Variants in RALGAPA1 observed in about 807,000 individuals in gnomAD.
RALGAPA1 encodes the protein ral GTPase-activating protein subunit alpha-1.
A neutral mutation model predicts 269.6 loss-of-function variants in RALGAPA1; 52 were observed. The ratio of observed to expected loss-of-function variants is 0.19; its 90% CI spans 0.15 to 0.24. The LOEUF (loss-of-function observed/expected upper bound fraction) is 0.24, where lower values mean the gene tolerates loss of function less well. Ranked by LOEUF, RALGAPA1 falls within the 10% of genes least tolerant of loss-of-function variation. RALGAPA1 has a pLI of 1.00. For missense variants in RALGAPA1, 1,917 were observed against 3,013.9 expected, an observed-to-expected ratio of 0.64 and a Z score of 8.52; for synonymous variants, 817 against 1,008.3, an observed-to-expected ratio of 0.81 and a Z score of 3.60.
intron 1 of RALGAPA1, among the ~76,000 whole-genome samples, chr14:35,781,351 T>G (rs2075412918): frequency 6.6e-6 from 1 of 152,126 alleles, no homozygotes; most frequent in African/African-American, 2.4e-5. Flanking sequence ...ATGAGAAGAT[T>G]GAATTAGTGG....
chr14:35,694,565 C>T (rs891737730), intron 17 of RALGAPA1, among the ~76,000 whole-genome samples: 34 of 152,166 alleles, frequency 2.2e-4, no homozygotes, highest in African/African-American at 8.2e-4. Context: ...TTAAAAGCAA[C>T]AAATCAAGCT....
chr14:35,666,275 A>C (rs1425751864), intron 26 of RALGAPA1, among the ~76,000 whole-genome samples: 1 of 152,072 alleles, frequency 6.6e-6, no homozygotes, highest in Non-Finnish European at 1.5e-5. Context: ...TTTAAGGATT[A>C]ATATCTGTGG....
intron 35 of RALGAPA1, among the ~76,000 whole-genome samples, chr14:35,609,158 C>G: frequency 6.6e-6 from 1 of 150,906 alleles, no homozygotes; most frequent in South Asian, 2.1e-4. Flanking sequence ...ACTTGGGAGG[C>G]AGAGGTTGCA....
intron 37 of RALGAPA1, among the ~76,000 whole-genome samples, chr14:35,591,704 T>G (rs1432771455): frequency 6.6e-6 from 1 of 152,180 alleles, no homozygotes; most frequent in Non-Finnish European, 1.5e-5. Context: ...TGAAATATAA[T>G]TTTACCAATG....
chr14:35,737,501 A>C lies in RALGAPA1; in HGVS notation c.1587+1012T>G, dbSNP rs527369760. ...GTTGGGCGTGGTGGCTCATGCCTAT[A>C]ATCACAGCAATTTGGGAGGCCAAGG... On this transcript the variant is annotated intron_variant, in intron 12 of 41. Coordinates refer to ENST00000680220, the MANE Select transcript of RALGAPA1 (RefSeq NM_001346249.2). 2.2e-3 allele frequency among the ~76,000 whole-genome samples: 330 copies of C among 152,172 alleles called. 5 individuals are homozygous for C. In the South Asian group the frequency reaches 0.028, roughly 13 times the overall value.
chr14:35,573,030 A>T (rs922025091), intron 37 of RALGAPA1, among the ~76,000 whole-genome samples: 1 of 152,166 alleles, frequency 6.6e-6, no homozygotes, highest in African/African-American at 2.4e-5. Context: ...AGATTGTTTT[A>T]AAAAAAGAAG....
chr14:35,754,383 C>T (rs1225803256), intron 7 of RALGAPA1, among the ~76,000 whole-genome samples: 1 of 152,038 alleles, frequency 6.6e-6, no homozygotes, highest in East Asian at 1.9e-4. Flanking sequence ...CTTAATAAGA[C>T]AAGCCAATTT....
chr14:35,609,377 A>G (rs2059786124), intron 35 of RALGAPA1, among the ~76,000 whole-genome samples: 1 of 152,210 alleles, frequency 6.6e-6, no homozygotes, highest in Admixed American at 6.5e-5. Flanking sequence ...TGAAAATGTA[A>G]CAATTTACTC....
At chr14:35,608,549 C>T (rs2059725947) in intron 35 of RALGAPA1, among the ~76,000 whole-genome samples, 1 of 152,080 alleles carries the variant, frequency 6.6e-6, no homozygotes, top group Non-Finnish European at 1.5e-5. Flanking sequence ...ACCAACAGAG[C>T]TACAGTGGCT....
chr14:35,555,228 A>AT (rs796445654), intron 39 of RALGAPA1, among the ~76,000 whole-genome samples: 70 of 152,294 alleles, frequency 4.6e-4, no homozygotes, highest in African/African-American at 1.6e-3. Context: ...TTAAAGAAGG[A>AT]TTTTTTCTTT....
chr14:35,624,156 CAA>C (rs377171729), intron 35 of RALGAPA1, among the ~76,000 whole-genome samples: 9 of 21,826 alleles, frequency 4.1e-4, no homozygotes, highest in Admixed American at 2.2e-3. Flanking sequence ...TAATACAACG[CAA>C]AAAAAAAAAA....
intron 22 of RALGAPA1, chr14:35,677,679 C>T (rs754250474): frequency 1.7e-5 from 6 of 346,740 alleles, no homozygotes; most frequent in Non-Finnish European, 3.1e-5. Context: ...GGAAACACTA[C>T]CAATATCAAT....
rs186992720 is a variant in RALGAPA1 at position 35,563,875 on chromosome 14, G to T, written c.7496+6742C>A. ...CGCCCAGGCTGGAGTGCAATGGTAT[G>T]ATCTCGGCTCAGTGCAACCTCTGCC... On this transcript the variant is annotated intron_variant, in intron 39 of 41. Coordinates refer to ENST00000680220, the MANE Select transcript of RALGAPA1 (RefSeq NM_001346249.2). Among the ~76,000 whole-genome samples the T allele has an allele frequency of 3.9e-5, 6 of 152,148 alleles. No individual in the cohort carries two copies. In the East Asian group the frequency reaches 1.2e-3, roughly 29 times the overall value.
intron 1 of RALGAPA1, among the ~76,000 whole-genome samples, chr14:35,804,184 C>T (rs1595618485): frequency 6.6e-6 from 1 of 151,800 alleles, no homozygotes; most frequent in African/African-American, 2.4e-5. Context: ...ATCACTTGAA[C>T]TGGGGAGGTG....
intron 12 of RALGAPA1, among the ~76,000 whole-genome samples, chr14:35,736,316 T>A (rs1218719164): frequency 6.6e-6 from 1 of 152,146 alleles, no homozygotes; most frequent in Non-Finnish European, 1.5e-5. Context: ...GATAGCCAAG[T>A]GAAAATGACA....
At chr14:35,692,800 T>C (rs565738357) in intron 17 of RALGAPA1, among the ~76,000 whole-genome samples, 1 of 152,102 alleles carries the variant, frequency 6.6e-6, no homozygotes, top group South Asian at 2.1e-4. Flanking sequence ...GGCACTTGAA[T>C]TGAGCATAAT....
intron 12 of RALGAPA1, among the ~76,000 whole-genome samples, chr14:35,730,376 AGCCTCCTG>A (rs1234340222): frequency 1.3e-5 from 2 of 152,194 alleles, no homozygotes; most frequent in Non-Finnish European, 2.9e-5. Context: ...CCAGGCAAGA[AGCCTCCTG>A]GCCAGAACTC....
chr14:35,625,192 A>G (rs914856118), intron 35 of RALGAPA1, among the ~76,000 whole-genome samples, 169 bp downstream of exon 35: 1 of 151,436 alleles, frequency 6.6e-6, no homozygotes, highest in African/African-American at 2.4e-5. Flanking sequence ...CAATTCAAAG[A>G]CACCCAACAT....
At chr14:35,749,881 G>A (rs1326250493) in intron 9 of RALGAPA1, among the ~76,000 whole-genome samples, 2 of 152,146 alleles carry the variant, frequency 1.3e-5, no homozygotes, top group South Asian at 2.1e-4. Flanking sequence ...AAAATCTGAG[G>A]AGAGGAAAAT....
Sources: allele counts gnomAD v4.1 joint callset (sites outside exome capture counted in the v4.1 genomes callset), GRCh38; gene constraint gnomAD v4.1.1; transcripts MANE v1.5; gene names NCBI Gene and HGNC (gene_info 2026-07-23, HGNC 2026-07-21).